Variants in DDHD1 observed in about 807,000 individuals in gnomAD.
DDHD1 encodes DDHD domain containing 1.
DDHD1 carries 49 observed loss-of-function variants against 96.4 expected under a neutral mutation model. The observed-to-expected ratio is 0.51, with a 90% confidence interval of 0.40 to 0.64. The LOEUF is 0.64. Ranked by LOEUF, DDHD1 falls within the 30% of genes least tolerant of loss-of-function variation. The pLI is 0.00. For missense variants in DDHD1, 1,106 were observed against 1,161.2 expected (o/e 0.95, Z 0.69); for synonymous variants, 442 against 446.5 (o/e 0.99, Z 0.13).
intron 5 of DDHD1, among the ~76,000 whole-genome samples, chr14:53,073,439 C>A (rs1454790244): frequency 6.6e-6 from 1 of 151,984 alleles, no homozygotes; most frequent in East Asian, 1.9e-4. Flanking sequence ...GTGTCAAAAA[C>A]TTTAGAAAAC....
In DDHD1 at chr14:53,152,353, A is replaced by G. The variant is rs774286535; in HGVS notation, c.746T>C (p.Val249Ala). Residue 249 changes from valine (V) to alanine (A), a missense_variant, in exon 1 of 13, where the codon GTG (valine) becomes GCG (alanine). This residue lies in a region of DDHD1 where 456 missense variants were observed against 402.4 expected (regional missense o/e 1.13). Coordinates refer to ENST00000673822, the MANE Select transcript of DDHD1 (RefSeq NM_001160148.2). ...QSTTGHEPEM[V>A]ELVNIEPVCV... ...CACAGGCTCGATGTTCACAAGCTCC[A>G]CCATCTCCGGCTCGTGCCCCGTCGT... The G allele has an allele frequency of 6.2e-7, 1 of 1,613,662 alleles. No individual in the cohort carries two copies.
chr14:53,081,223 C>A (rs973080302), intron 4 of DDHD1, among the ~76,000 whole-genome samples: 3 of 152,162 alleles, frequency 2.0e-5, no homozygotes, highest in African/African-American at 7.2e-5. Context: ...TCTAAAAGTT[C>A]CTTTTTTACA....
chr14:53,136,138 C>T (rs1890225637), intron 1 of DDHD1, among the ~76,000 whole-genome samples: 1 of 152,162 alleles, frequency 6.6e-6, no homozygotes, highest in Admixed American at 6.5e-5. Context: ...ATGAGATCCA[C>T]CCCCTGCCCG....
rs1555340811 is a variant in DDHD1 at position 53,125,525 on chromosome 14, G to C, written c.839-21669C>G. The stretch of plus-strand genomic sequence containing the variant: ...CACACTGATTATAGCCATTCTATCA[G>C]ATTATTAAAATCAAAAGAATATGTA... On this transcript the variant is annotated intron_variant, in intron 1 of 12. Coordinates refer to ENST00000673822, the MANE Select transcript of DDHD1 (RefSeq NM_001160148.2). Among the ~76,000 whole-genome samples the C allele has an allele frequency of 1.3e-5, 2 of 152,092 alleles. 1 individual carries two copies. Among genetic ancestry groups the C allele is most frequent in the South Asian group, 4.1e-4 (2 of 4,822 alleles).
At chr14:53,133,135 C>T (rs1457741977) in intron 1 of DDHD1, among the ~76,000 whole-genome samples, 3 of 152,206 alleles carry the variant, frequency 2.0e-5, no homozygotes, top group African/African-American at 7.2e-5. Flanking sequence ...GAAATCACTT[C>T]TCAGTGTTCC....
chr14:53,121,482 A>G (rs1018386758), intron 1 of DDHD1, among the ~76,000 whole-genome samples: 1 of 152,244 alleles, frequency 6.6e-6, no homozygotes, highest in Non-Finnish European at 1.5e-5. Context: ...ACATGCACAC[A>G]TATGTTCACT....
chr14:53,141,281 T>A (rs939347002), intron 1 of DDHD1, among the ~76,000 whole-genome samples: 9 of 152,218 alleles, frequency 5.9e-5, no homozygotes, highest in Admixed American at 2.6e-4. Context: ...TAGAATCTCT[T>A]GAAATGCATC....
chr14:53,108,055 CTA>C (rs1415303664), intron 1 of DDHD1, among the ~76,000 whole-genome samples: 1 of 152,172 alleles, frequency 6.6e-6, no homozygotes, highest in Admixed American at 6.5e-5. Flanking sequence ...TGTTTTCACT[CTA>C]TTAAATCTTG....
intron 1 of DDHD1, among the ~76,000 whole-genome samples, chr14:53,116,372 G>C (rs1888543359): frequency 6.6e-6 from 1 of 152,146 alleles, no homozygotes. Flanking sequence ...GGACCAAGAT[G>C]ACCTAATAGA....
chr14:53,104,535 T>C (rs1304713740), intron 1 of DDHD1, among the ~76,000 whole-genome samples: 1 of 152,154 alleles, frequency 6.6e-6, no homozygotes, highest in Non-Finnish European at 1.5e-5. Flanking sequence ...GTGGCACTTT[T>C]TAGAGCTGCC....
intron 2 of DDHD1, chr14:53,103,092 A>G (rs1201805471): frequency 6.5e-7 from 1 of 1,549,250 alleles, no homozygotes. Context: ...TAACTTTACC[A>G]CATATTTTGA....
At chr14:53,121,558 A>T (rs1460859299) in intron 1 of DDHD1, among the ~76,000 whole-genome samples, 3 of 152,250 alleles carry the variant, frequency 2.0e-5, no homozygotes, top group Non-Finnish European at 2.9e-5. Context: ...TAGACTGGAT[A>T]AAGAAAATGT....
In DDHD1 at chr14:53,058,373, C is replaced by G. The variant is rs1883249219; in HGVS notation, c.1992+104G>C. 2.2e-6 allele frequency: 3 copies of G among 1,342,936 alleles called. No individual in the cohort carries two copies. In the East Asian group the frequency reaches 7.3e-5, roughly 33 times the overall value. The allele number at this position is 1,342,936 out of a possible 1,614,324, so 83.2% of individuals were successfully genotyped here. The stretch of plus-strand genomic sequence containing the variant: ...CAGATGATGCGCCCGCCTCAGCCTC[C>G]CAAAGTGCTGGGATTACAAGCGTGA... On this transcript the variant is annotated intron_variant, in intron 9 of 12. Transcript: ENST00000673822.
rs1337789449 is a variant in DDHD1, at chr14:53,063,211, T to A, written c.1504-6A>T. 1 of 1,610,956 alleles carries A rather than the reference T, an allele frequency of 6.2e-7. No individual in the cohort carries two copies. ...TGCTGAAGGCCTTTAACTAGCTGTTTGAAATAAGAAAACATTATCATATTA... is the reference window on the plus strand; with the variant it reads ...TGCTGAAGGCCTTTAACTAGCTGTTAGAAATAAGAAAACATTATCATATTA... On this transcript the variant is annotated splice_polypyrimidine_tract_variant and splice_region_variant and intron_variant, in intron 6 of 12. Transcript: ENST00000673822.
intron 4 of DDHD1, among the ~76,000 whole-genome samples, chr14:53,086,351 C>G (rs1019193202): frequency 3.9e-5 from 6 of 152,140 alleles, no homozygotes; most frequent in African/African-American, 1.4e-4. Flanking sequence ...ACATAATTGT[C>G]AGATTCACCA....
chr14:53,037,630 T>C lies in DDHD1; in HGVS notation c.*9138A>G, dbSNP rs147416933. On this transcript the variant is annotated 3_prime_UTR_variant, in exon 13 of 13. Coordinates refer to ENST00000673822, the MANE Select transcript of DDHD1 (RefSeq NM_001160148.2). ...TTAAGTTCCTTATTGATTCTGGATG[T>C]CAGATCTTTGTTGGATGTCTAGTTT... is the stretch of plus-strand genomic sequence containing the variant. The C allele has an allele frequency of 3.3e-4, 51 of 152,314 alleles. No homozygotes were observed. The highest frequency in any genetic ancestry group is 1.2e-3 in the African/African-American group (50 of 41,578). 9.4% of individuals were successfully genotyped at this position (152,314 alleles called of 1,614,324 possible). A position where few individuals can be genotyped will look rare whatever the true frequency, so the allele number is the denominator to read the frequency against.
intron 12 of DDHD1, among the ~76,000 whole-genome samples, chr14:53,048,132 T>G (rs562452514): frequency 6.6e-6 from 1 of 152,338 alleles, no homozygotes; most frequent in African/African-American, 2.4e-5. Context: ...TAAATAGGTA[T>G]TTTGTGACAA....
At chr14:53,118,108 C>A (rs775489360) in intron 1 of DDHD1, among the ~76,000 whole-genome samples, 13 of 152,158 alleles carry the variant, frequency 8.5e-5, no homozygotes, top group Non-Finnish European at 1.6e-4. Flanking sequence ...CAGAAAGGAA[C>A]AGCATCAACA....
intron 1 of DDHD1, among the ~76,000 whole-genome samples, chr14:53,150,315 G>A (rs1891257020): frequency 6.6e-6 from 1 of 152,180 alleles, no homozygotes; most frequent in South Asian, 2.1e-4. Flanking sequence ...ACCCTTGGAT[G>A]GGTCAGAAGC....
Sources: allele counts gnomAD v4.1 joint callset (sites outside exome capture counted in the v4.1 genomes callset), GRCh38; gene constraint gnomAD v4.1.1; regional missense constraint gnomAD v4.1.1; transcripts MANE v1.5; gene names NCBI Gene and HGNC (gene_info 2026-07-23, HGNC 2026-07-21).